The following MAGEC3 variants were observed in gnomAD, a reference collection of about 807,000 sequenced individuals.
MAGEC3 encodes the protein MAGE family member C3, also known as melanoma-associated antigen C3.
Under a neutral mutation model 35.3 loss-of-function variants are expected in MAGEC3, and 34 were observed. The observed-to-expected ratio is 0.96, with a 90% confidence interval of 0.73 to 1.28. The LOEUF (loss-of-function observed/expected upper bound fraction) is 1.28. MAGEC3 is among the 50% of genes most tolerant of loss of function. The pLI, the probability that MAGEC3 is intolerant of heterozygous loss-of-function variation, is 0.00. For synonymous variants in MAGEC3, 202 were observed against 185.6 expected (o/e 1.09, Z -0.72); for missense variants, 561 against 483.6 (o/e 1.16, Z -1.50).
chrX:141,896,390 G>A (rs750460755), intron 6 of MAGEC3: 322 of 1,057,823 alleles, frequency 3.0e-4, no homozygotes, highest in Middle Eastern at 1.5e-3. Flanking sequence ...GGCTCTGCCT[G>A]CCAGCTGTGC....
At chrX:141,856,359 CA>C (rs1569472293) in intron 1 of MAGEC3, among the ~76,000 whole-genome samples, 1 of 111,056 alleles carries the variant, frequency 9.0e-6, no homozygotes, top group African/African-American at 3.3e-5. Context: ...AGTTTCCTAA[CA>C]GGGGAAAATT....
At chrX:141,867,145 T>TA (rs973167139) in intron 2 of MAGEC3, among the ~76,000 whole-genome samples, 16 of 110,414 alleles carry the variant, frequency 1.4e-4, no homozygotes, top group South Asian at 3.8e-4. Flanking sequence ...TCTGTTCCAT[T>TA]AAAAAAAAAT....
chrX:141,890,316 T>A (rs1356046623), intron 4 of MAGEC3, among the ~76,000 whole-genome samples: 1 of 111,420 alleles, frequency 9.0e-6, no homozygotes, highest in Non-Finnish European at 1.9e-5. Flanking sequence ...GTGATTTTCC[T>A]GCATCAGCCT....
intron 2 of MAGEC3, among the ~76,000 whole-genome samples, chrX:141,878,672 G>A (rs1170958373): frequency 1.8e-5 from 2 of 112,136 alleles, no homozygotes; most frequent in Non-Finnish European, 3.8e-5. Flanking sequence ...CACAGAGGAA[G>A]GACTGGTGAG....
At chrX:141,858,800 A>G (rs1391199588) in intron 1 of MAGEC3, among the ~76,000 whole-genome samples, 2 of 110,900 alleles carry the variant, frequency 1.8e-5, no homozygotes, top group Admixed American at 9.7e-5. Flanking sequence ...GTGTGTGTGT[A>G]TGTATATATA....
chrX:141,891,226 C>T lies in MAGEC3; in HGVS notation c.910-4043C>T, dbSNP rs2018038737. Among the ~76,000 whole-genome samples the T allele has an allele frequency of 4.5e-5, 5 of 111,416 alleles. No homozygotes were observed. The South Asian group carries it at 1.9e-3, about 43-fold the overall frequency. ...AGATCCTAACCATAAAACCTCATTTCCCCTTAATTACCTCTTCAAAGGCTC... is the reference window on the plus strand; with the variant it reads ...AGATCCTAACCATAAAACCTCATTTTCCCTTAATTACCTCTTCAAAGGCTC... On this transcript the variant is annotated intron_variant, in intron 4 of 7. Coordinates refer to ENST00000298296, the MANE Select transcript of MAGEC3 (RefSeq NM_138702.1).
chrX:141,879,325 CTG>C lies in MAGEC3; in HGVS notation c.412_413del (p.Trp138GlufsTer4), dbSNP rs776260439. The C allele has an allele frequency of 5.0e-6, 6 of 1,204,411 alleles. No homozygotes were observed. In the East Asian group the frequency reaches 1.2e-4, roughly 24 times the overall value. Reference sequence around the variant, plus strand: ...CTGGCCACTCAACGAGAAGAGAACTCTGTGGAAGGACAGTGACCTTCCAACAT... The same window carrying C: ...CTGGCCACTCAACGAGAAGAGAACTCTGGAAGGACAGTGACCTTCCAACAT... ...QDWPLNEKRTLWKDSDLPTWR... is the reference protein window; with the variant it reads ...QDWPLNEKRTXWKDSDLPTWR... On this transcript the variant is annotated frameshift_variant, in exon 3 of 8. Coordinates refer to ENST00000298296, the MANE Select transcript of MAGEC3 (RefSeq NM_138702.1). LOFTEE classifies it high-confidence loss of function.
chrX:141,843,841 C>G (rs915902300), intron 1 of MAGEC3, among the ~76,000 whole-genome samples: 2 of 110,637 alleles, frequency 1.8e-5, no homozygotes, highest in African/African-American at 6.6e-5. Flanking sequence ...AACAAGCAGA[C>G]AGACACCTTC....
At chrX:141,874,682 C>G (rs900491168) in intron 2 of MAGEC3, among the ~76,000 whole-genome samples, 12 of 110,346 alleles carry the variant, frequency 1.1e-4, no homozygotes, top group Non-Finnish European at 5.7e-5. Context: ...AATCAAAATG[C>G]CTGAAAATTT....
chrX:141,880,328 G>C (rs1053544201), intron 3 of MAGEC3, among the ~76,000 whole-genome samples: 1 of 110,476 alleles, frequency 9.1e-6, no homozygotes, highest in African/African-American at 3.4e-5. Context: ...TTGGCTAGAA[G>C]AGTGGTAGGG....
At chrX:141,873,267 C>T (rs776987825) in intron 2 of MAGEC3, among the ~76,000 whole-genome samples, 1 of 111,014 alleles carries the variant, frequency 9.0e-6, no homozygotes, top group Non-Finnish European at 1.9e-5. Flanking sequence ...CCTCTTCCTG[C>T]AGCTGCAGGC....
chrX:141,890,499 A>G (rs2018033593), intron 4 of MAGEC3, among the ~76,000 whole-genome samples: 1 of 111,665 alleles, frequency 9.0e-6, no homozygotes. Context: ...GAGCCCCACC[A>G]CACCTGGCCT....
At chrX:141,881,094 CT>C (rs995210492) in intron 3 of MAGEC3, among the ~76,000 whole-genome samples, 1 of 111,598 alleles carries the variant, frequency 9.0e-6, no homozygotes, top group African/African-American at 3.3e-5. Context: ...AGGAGAAAAC[CT>C]CCTCCATTTC....
At position 141,838,410 on chromosome X, in the gene MAGEC3, C is replaced by A. The variant is rs1603049075; in HGVS notation, c.95C>A (p.Ser32Tyr). Residue 32 changes from serine to tyrosine, a missense_variant, in exon 1 of 8, where the codon TCC (serine) becomes TAC (tyrosine). Physicochemically the swap from Ser to Tyr is moderately radical, Grantham distance 144. Transcript: ENST00000298296. ...AACACATGTGCCACATATGCCTTAT[C>A]CCCAGTGGTGCTCCCACCTCAGCCC... ...VKNTCATYAL[S>Y]PVVLPPQPQP... The A allele has an allele frequency of 8.3e-7, 1 of 1,208,868 alleles. No individual in the cohort carries two copies. Among genetic ancestry groups the A allele is most frequent in the African/African-American group, 1.7e-5 (1 of 57,163 alleles).
At chrX:141,895,872 C>A (rs1232991166) in intron 6 of MAGEC3, among the ~76,000 whole-genome samples, 2 of 110,935 alleles carry the variant, frequency 1.8e-5, no homozygotes, top group Non-Finnish European at 3.8e-5. Flanking sequence ...CGGAGAGGTC[C>A]CACGTGCATC....
chrX:141,852,535 C>CT (rs2017757384), intron 1 of MAGEC3, among the ~76,000 whole-genome samples: 1 of 110,661 alleles, frequency 9.0e-6, no homozygotes. Context: ...AGATTACAGT[C>CT]TTTCATCTTT....
At chrX:141,864,783 T>TA (rs1353483340) in intron 1 of MAGEC3, among the ~76,000 whole-genome samples, 7 of 110,949 alleles carry the variant, frequency 6.3e-5, no homozygotes, top group Admixed American at 2.9e-4. Flanking sequence ...AAAATAAATT[T>TA]AAAAAAAAGA....
chrX:141,871,939 A>T (rs1381103848), intron 2 of MAGEC3, among the ~76,000 whole-genome samples: 1 of 107,509 alleles, frequency 9.3e-6, no homozygotes, highest in Non-Finnish European at 1.9e-5. Flanking sequence ...ACGGGCAATG[A>T]GCGGGTGCAG....
At chrX:141,840,231 A>G (rs757860943) in intron 1 of MAGEC3, among the ~76,000 whole-genome samples, 4 of 112,050 alleles carry the variant, frequency 3.6e-5, no homozygotes, top group Admixed American at 9.5e-5. Flanking sequence ...ACAAACCACT[A>G]AAGAAAAGTG....
Sources: allele counts gnomAD v4.1 joint callset (sites outside exome capture counted in the v4.1 genomes callset), GRCh38; gene constraint gnomAD v4.1.1; transcripts MANE v1.5; gene names NCBI Gene and HGNC (gene_info 2026-07-23, HGNC 2026-07-21).